Variants in KDM6A observed in about 807,000 individuals in gnomAD.
KDM6A encodes lysine-specific demethylase 6A.
Under a neutral mutation model 117.6 loss-of-function variants are expected in KDM6A, and 11 were observed. That is an observed-to-expected ratio of 0.09 (90% CI 0.06 to 0.15). The LOEUF is 0.15. KDM6A is among the 10% of genes least tolerant of loss of function. The probability of loss-of-function intolerance (pLI) is 1.00; values close to 1 mark genes in which losing one functional copy is unlikely to be tolerated. For missense variants in KDM6A, 799 were observed against 1,077.3 expected, an observed-to-expected ratio of 0.74 and a Z score of 3.62; for synonymous variants, 384 against 396.1, an observed-to-expected ratio of 0.97 and a Z score of 0.36.
intron 6 of KDM6A, among the ~76,000 whole-genome samples, chrX:45,023,700 A>G (rs775503706): frequency 4.5e-5 from 5 of 111,068 alleles, no homozygotes; most frequent in Non-Finnish European, 7.6e-5. Context: ...TTGCATGGAA[A>G]AGTTCTTTAG....
rs2030993729 is a variant in KDM6A at position 44,873,215 on chromosome X, A to T, written c.-337A>T. Reference sequence around the variant, plus strand: ...AACAACTTTGTGCTGGTGCCGGGGAAGTTTGTGTCTCCAACGAATCCCCTC... The same window carrying T: ...AACAACTTTGTGCTGGTGCCGGGGATGTTTGTGTCTCCAACGAATCCCCTC... On this transcript the variant is annotated 5_prime_UTR_variant, in exon 1 of 30. The change creates a new upstream start codon in the 5' untranslated region. Coordinates refer to ENST00000611820, the MANE Select transcript of KDM6A (RefSeq NM_001291415.2). The T allele has an allele frequency of 8.0e-6, 2 of 251,570 alleles. No homozygotes were observed. The highest frequency in any genetic ancestry group is 1.4e-5 in the Non-Finnish European group (2 of 143,517). The allele number at this position is 251,570 out of a possible 1,213,427, so 20.7% of individuals were successfully genotyped here. A position where few individuals can be genotyped will look rare whatever the true frequency, so the allele number is the denominator to read the frequency against.
At chrX:44,958,873 T>G (rs776145423) in intron 2 of KDM6A, among the ~76,000 whole-genome samples, 109 of 111,561 alleles carry the variant, frequency 9.8e-4, no homozygotes, top group African/African-American at 3.3e-3. Flanking sequence ...ACAGTATGTA[T>G]CTTCTGTTAT....
chrX:45,094,784 G>C (rs779835251), intron 27 of KDM6A, among the ~76,000 whole-genome samples: 2 of 111,592 alleles, frequency 1.8e-5, no homozygotes, highest in East Asian at 2.8e-4. Context: ...CCTCCCTGCT[G>C]TGCATTTGCG....
At chrX:44,884,660 C>T (rs1369350360) in intron 2 of KDM6A, among the ~76,000 whole-genome samples, 1 of 111,750 alleles carries the variant, frequency 8.9e-6, no homozygotes, top group African/African-American at 3.3e-5. Flanking sequence ...CGAGTTTAAA[C>T]TAAGGCTGTG....
chrX:45,093,257 C>T (rs1361273915), intron 27 of KDM6A, among the ~76,000 whole-genome samples: 3 of 106,467 alleles, frequency 2.8e-5, no homozygotes, highest in Non-Finnish European at 5.8e-5. Flanking sequence ...GTGATGGGCA[C>T]CTGTAATCCC....
Position 45,063,717 on chromosome X carries a change from C to T in KDM6A, c.1979C>T (p.Pro660Leu), listed in dbSNP as rs1408680060. Residue 660 changes from proline (P) to leucine (L), a missense_variant, in exon 17 of 30, where the codon CCT (proline) becomes CTT (leucine). By Grantham distance (98) the Pro-to-Leu change is moderately conservative (BLOSUM62 -3). Transcript: ENST00000611820. ...GGAAGTGGAAGTAATGGAAACGTGC[C>T]TTACCTGCAGCGAAACGCACTCACT... ...ITGSGSNGNV[P>L]YLQRNALTLP... 8.3e-7 allele frequency: 1 copy of T among 1,207,748 alleles called. No homozygotes were observed. Among genetic ancestry groups the T allele is most frequent in the Non-Finnish European group, 1.1e-6 (1 of 892,824 alleles).
chrX:44,879,654 G>A (rs1323365142), intron 2 of KDM6A, among the ~76,000 whole-genome samples: 1 of 111,946 alleles, frequency 8.9e-6, no homozygotes, highest in African/African-American at 3.2e-5. Flanking sequence ...TCTTTAAGAG[G>A]GGTGAGATAA....
chrX:44,922,870 A>G (rs1261238394), intron 2 of KDM6A, among the ~76,000 whole-genome samples: 1 of 111,680 alleles, frequency 9.0e-6, no homozygotes, highest in Non-Finnish European at 1.9e-5. Context: ...ATTGCTTTTT[A>G]TGCCTTTATG....
chrX:44,875,538 G>A (rs1037897989), intron 2 of KDM6A, among the ~76,000 whole-genome samples: 2 of 108,961 alleles, frequency 1.8e-5, no homozygotes, highest in African/African-American at 6.7e-5. Context: ...TTAAGCGTCA[G>A]TAATTGTTGG....
At chrX:44,923,567 C>G (rs1383268699) in intron 2 of KDM6A, among the ~76,000 whole-genome samples, 1 of 61,527 alleles carries the variant, frequency 1.6e-5, no homozygotes, top group Non-Finnish European at 2.8e-5. Context: ...TTTTTTGAGA[C>G]AGAGTCTCGC....
intron 3 of KDM6A, among the ~76,000 whole-genome samples, chrX:44,970,094 T>G (rs2039267643): frequency 8.9e-6 from 1 of 112,273 alleles, no homozygotes; most frequent in Non-Finnish European, 1.9e-5. Flanking sequence ...TAATGATTTT[T>G]TTTCTGATTA....
At chrX:44,895,139 T>C (rs1462973300) in intron 2 of KDM6A, among the ~76,000 whole-genome samples, 1 of 102,000 alleles carries the variant, frequency 9.8e-6, no homozygotes, top group Non-Finnish European at 2.0e-5. Flanking sequence ...AGAGTCTCGC[T>C]CTGTCGCCCA....
chrX:44,995,704 G>T (rs142402836), intron 4 of KDM6A, among the ~76,000 whole-genome samples: 1,830 of 111,295 alleles, frequency 0.016, 38 homozygotes, highest in African/African-American at 0.057. Context: ...CTGACCTCAG[G>T]TGATCCACCT....
Position 45,010,967 on chromosome X carries a change from G to A in KDM6A, c.391G>A (p.Ala131Thr), listed in dbSNP as rs1199031204. Reference sequence around the variant, plus strand: ...TTTTTCCCTTCCTTTACAGAATGCTGCCTTTTTATATGGTCTTGGTTTGGT... The same window carrying A: ...TTTTTCCCTTCCTTTACAGAATGCTACCTTTTTATATGGTCTTGGTTTGGT... ...SLQSDYWKNA[A>T]FLYGLGLVYF... Residue 131 changes from alanine (A) to threonine (T), a missense_variant, in exon 5 of 30, where the codon GCC becomes ACC. Transcript: ENST00000611820. 8.4e-7 allele frequency: 1 copy of A among 1,196,687 alleles called. No individual in the cohort carries two copies. The highest frequency in any genetic ancestry group is 1.1e-6 in the Non-Finnish European group (1 of 884,239).
intron 5 of KDM6A, among the ~76,000 whole-genome samples, chrX:45,011,633 T>C (rs1236345328): frequency 1.8e-5 from 2 of 111,894 alleles, no homozygotes; most frequent in Non-Finnish European, 3.8e-5. Context: ...TACCAGACAA[T>C]AGTATGCACT....
At chrX:44,889,898 AAAT>A (rs1289250049) in intron 2 of KDM6A, among the ~76,000 whole-genome samples, 1 of 112,327 alleles carries the variant, frequency 8.9e-6, no homozygotes, top group Non-Finnish European at 1.9e-5. Context: ...CATTTTTAAG[AAAT>A]AATAGAGCTA....
intron 2 of KDM6A, among the ~76,000 whole-genome samples, chrX:44,928,904 C>T (rs1346798792): frequency 9.0e-6 from 1 of 111,529 alleles, no homozygotes; most frequent in South Asian, 3.7e-4. Context: ...TTGTTCTATG[C>T]TTTCAGTACT....
At chrX:44,991,932 G>A (rs1487210234) in intron 4 of KDM6A, among the ~76,000 whole-genome samples, 4 of 110,344 alleles carry the variant, frequency 3.6e-5, no homozygotes, top group African/African-American at 1.3e-4. Context: ...CAGGTGATCC[G>A]CCCGCCTCAG....
intron 5 of KDM6A, among the ~76,000 whole-genome samples, chrX:45,017,890 G>A (rs935903489): frequency 2.7e-5 from 3 of 111,727 alleles, no homozygotes; most frequent in Non-Finnish European, 5.6e-5. Context: ...TCGTTGACCA[G>A]TTTGGGTGGT....
Sources: gnomAD v4.1 joint callset for allele counts (sites outside exome capture counted in the v4.1 genomes callset) on GRCh38, gnomAD v4.1.1 for gene constraint, MANE v1.5 for transcripts, NCBI Gene and HGNC (gene_info 2026-07-23, HGNC 2026-07-21) for gene names.